TP53BP1: variants seen among roughly 807,000 people sequenced by gnomAD.
TP53BP1 encodes tumor protein p53 binding protein 1, also known as TP53-binding protein 1.
TP53BP1 carries 61 observed loss-of-function variants against 200.8 expected under a neutral mutation model. That is an observed-to-expected ratio of 0.30 (90% CI 0.25 to 0.38). TP53BP1 has a LOEUF of 0.38. TP53BP1 is among the 10% of genes least tolerant of loss of function. TP53BP1 has a pLI of 1.00. For synonymous variants in TP53BP1, 822 were observed against 844.3 expected (o/e 0.97, Z 0.46); for missense variants, 2,144 against 2,371.9 (o/e 0.90, Z 2.00).
intron 11 of TP53BP1, among the ~76,000 whole-genome samples, chr15:43,469,596 T>C (rs899766699): frequency 6.6e-5 from 10 of 152,190 alleles, no homozygotes; most frequent in African/African-American, 2.4e-4. Context: ...TTTATGTCAC[T>C]TCGCAATTTT....
chr15:43,463,493 A>G (rs2046488318), intron 11 of TP53BP1, among the ~76,000 whole-genome samples: 1 of 152,226 alleles, frequency 6.6e-6, no homozygotes, highest in Non-Finnish European at 1.5e-5. Flanking sequence ...TTTGACATAT[A>G]ATGAAAAAAG....
intron 5 of TP53BP1, among the ~76,000 whole-genome samples, chr15:43,480,462 T>C (rs138219907): frequency 1.3e-5 from 2 of 151,822 alleles, no homozygotes; most frequent in Non-Finnish European, 2.9e-5. Context: ...AAATAAAAAA[T>C]AAATTTAAAA....
At chr15:43,503,637 C>T (rs371737990) in intron 1 of TP53BP1, among the ~76,000 whole-genome samples, 4 of 151,990 alleles carry the variant, frequency 2.6e-5, no homozygotes, top group Admixed American at 2.6e-4. Context: ...CCAGCCTGGG[C>T]AACAGAGCAA....
chr15:43,458,793 C>CA (rs36041864), intron 11 of TP53BP1, among the ~76,000 whole-genome samples: 39,880 of 141,606 alleles, frequency 0.28, 8,718 homozygotes, highest in African/African-American at 0.61. Context: ...CAAAAAAAGA[C>CA]AAAAAAAAAA....
chr15:43,450,090 T>C (rs2046131538), intron 12 of TP53BP1, among the ~76,000 whole-genome samples: 1 of 152,344 alleles, frequency 6.6e-6, no homozygotes, highest in South Asian at 2.1e-4. Flanking sequence ...TTCCAGATAA[T>C]CATGGGCTAT....
In TP53BP1 at chr15:43,446,279, C is replaced by A. The variant is rs954606965; in HGVS notation, c.3040+108G>T. The A allele has an allele frequency of 1.1e-5, 10 of 875,748 alleles. No individual in the cohort carries two copies. The African/African-American group carries it at 1.4e-4, about 12-fold the overall frequency. The allele number at this position is 875,748 out of a possible 1,614,324, so 54.2% of individuals were successfully genotyped here. ...TTAAATCTATGAGTGTAAGACTTTA[C>A]AAATACATTTATAAATATAGAAGTA... On this transcript the variant is annotated intron_variant, in intron 14 of 27. Transcript: ENST00000382044.
chr15:43,410,971 T>C (rs1213591374), intron 24 of TP53BP1, among the ~76,000 whole-genome samples: 1 of 152,152 alleles, frequency 6.6e-6, no homozygotes, highest in African/African-American at 2.4e-5. Flanking sequence ...GCAGGGCTAT[T>C]TCTCAGCTTT....
intron 17 of TP53BP1, among the ~76,000 whole-genome samples, chr15:43,429,839 A>G (rs2045630689): frequency 6.6e-6 from 1 of 152,230 alleles, no homozygotes; most frequent in Non-Finnish European, 1.5e-5. Flanking sequence ...GAACTATGAC[A>G]GCCTGTACTT....
Position 43,413,259 on chromosome 15 carries a change from T to A in TP53BP1, c.5165A>T (p.Glu1722Val), listed in dbSNP as rs757096598. The change falls in exon 24 of 28, where the codon GAG becomes GTG. Residue 1722 changes from glutamate (E) to valine (V), a missense_variant. Transcript: ENST00000382044. ...DNTGEPSALEEQRGPLPLNKT... is the reference protein window; with the variant it reads ...DNTGEPSALEVQRGPLPLNKT... ...GTTGAGAGGCAAAGGCCCTCTCTGC[T>A]CTTCCAGGGCAGAGGGTTCACCGGT... The A allele has an allele frequency of 8.7e-5, 141 of 1,614,006 alleles. No individual in the cohort carries two copies. Among genetic ancestry groups the A allele is most frequent in the Non-Finnish European group, 1.2e-4 (136 of 1,179,988 alleles).
intron 11 of TP53BP1, among the ~76,000 whole-genome samples, chr15:43,461,876 G>C (rs1316618347): frequency 6.6e-6 from 1 of 151,388 alleles, no homozygotes; most frequent in Non-Finnish European, 1.5e-5. Flanking sequence ...CACCGTGTTG[G>C]CCAGGCCGGT....
chr15:43,441,722 T>C (rs2045929180), intron 14 of TP53BP1, 139 bp from the exon 15 acceptor site: 2 of 620,176 alleles, frequency 3.2e-6, no homozygotes, highest in Admixed American at 2.8e-5. Flanking sequence ...CTAGTAAGTA[T>C]AAACATACAA....
At chr15:43,442,243 G>T (rs997608174) in intron 14 of TP53BP1, among the ~76,000 whole-genome samples, 10 of 151,624 alleles carry the variant, frequency 6.6e-5, no homozygotes, top group Admixed American at 4.6e-4. Context: ...CCGCCACCAC[G>T]CCCGGCTAAT....
chr15:43,495,704 C>G (rs2079179065), upstream of TP53BP1, among the ~76,000 whole-genome samples: 1 of 151,292 alleles, frequency 6.6e-6, no homozygotes, highest in Non-Finnish European at 1.5e-5. Flanking sequence ...GTAGTCCCAG[C>G]TACTTGGGAG....
intron 16 of TP53BP1, among the ~76,000 whole-genome samples, chr15:43,433,835 G>C (rs2142999047): frequency 6.6e-6 from 1 of 152,292 alleles, no homozygotes; most frequent in Non-Finnish European, 1.5e-5. Context: ...GTTGATTTAA[G>C]TATGTGGCCA....
chr15:43,477,971 G>C (rs916270823), intron 7 of TP53BP1, among the ~76,000 whole-genome samples: 4 of 152,078 alleles, frequency 2.6e-5, no homozygotes, highest in Admixed American at 2.6e-4. Context: ...CTCTCTCACA[G>C]CCAATACCTG....
At chr15:43,491,152 C>T (rs953111037) in intron 4 of TP53BP1, among the ~76,000 whole-genome samples, 8 of 151,784 alleles carry the variant, frequency 5.3e-5, no homozygotes, top group African/African-American at 1.9e-4. Flanking sequence ...ACAATCTCAG[C>T]TCACTGCAAC....
rs369652943 is a variant in TP53BP1, at chr15:43,480,891, C to G, written c.499+4G>C. On this transcript the variant is annotated splice_donor_region_variant and intron_variant, in intron 5 of 27. Coordinates refer to ENST00000382044, the MANE Select transcript of TP53BP1 (RefSeq NM_001141980.3). Reference sequence around the variant, plus strand: ...CTATTATTCTGAAAAAAGCACAAGGCTACCTTCAGCACCAAGGGAATGTGT... The same window carrying G: ...CTATTATTCTGAAAAAAGCACAAGGGTACCTTCAGCACCAAGGGAATGTGT... 6.2e-7 allele frequency: 1 copy of G among 1,614,048 alleles called. No individual in the cohort carries two copies. Among genetic ancestry groups the G allele is most frequent in the Admixed American group, 1.7e-5 (1 of 60,026 alleles).
chr15:43,480,574 A>G (rs1407422232), intron 5 of TP53BP1, among the ~76,000 whole-genome samples: 1 of 152,256 alleles, frequency 6.6e-6, no homozygotes, highest in African/African-American at 2.4e-5. Context: ...TTCTAAAGGT[A>G]CATCATAAAC....
chr15:43,461,135 A>G (rs951001068), intron 11 of TP53BP1, among the ~76,000 whole-genome samples: 2 of 152,242 alleles, frequency 1.3e-5, no homozygotes, highest in Non-Finnish European at 2.9e-5. Context: ...GCACACTAAT[A>G]CTTAGCTACA....
Sources: allele counts gnomAD v4.1 joint callset (sites outside exome capture counted in the v4.1 genomes callset), GRCh38; gene constraint gnomAD v4.1.1; transcripts MANE v1.5; gene names NCBI Gene and HGNC (gene_info 2026-07-23, HGNC 2026-07-21).